The following TRRAP variants were observed in gnomAD, a reference collection of about 807,000 sequenced individuals.
TRRAP encodes the protein transformation/transcription domain associated protein, also known as transformation/transcription domain-associated protein.
In TRRAP, 41 loss-of-function variants were observed where a neutral mutation model predicts 438.8. That is an observed-to-expected ratio of 0.09 (90% CI 0.07 to 0.12). TRRAP has a LOEUF of 0.12. Among genes scored for constraint, TRRAP ranks in the 10% least tolerant of loss-of-function variants. TRRAP has a pLI of 1.00. For synonymous variants in TRRAP, 1,994 were observed against 1,962.9 expected, an observed-to-expected ratio of 1.02 and a Z score of -0.42; for missense variants, 3,122 against 5,055.1, an observed-to-expected ratio of 0.62 and a Z score of 11.60.
Position 99,005,157 on chromosome 7 carries a change from A to G in TRRAP, c.10562A>G (p.Gln3521Arg). The change falls in exon 69 of 73, where the codon CAG becomes CGG. Residue 3521 changes from glutamine (Q) to arginine (R), a missense_variant. Around this residue, in one of 24 missense-constraint regions of TRRAP, gnomAD observed 95 missense variants for 144.1 expected, o/e 0.66. Coordinates refer to ENST00000456197, the MANE Select transcript of TRRAP (RefSeq NM_001375524.1). This position sits in a 1 kb window ranked among gnomAD's most constrained non-coding sequence, Gnocchi z 5.1. ...ARFMPRVEIV[Q>R]KHNTAARRLY... is the part of the protein sequence containing the mutation. ...TTCATGCCCCGGGTAGAGATTGTGCAGAAGCACAACACCGCAGCCCGGCGG... is the reference window on the plus strand; with the variant it reads ...TTCATGCCCCGGGTAGAGATTGTGCGGAAGCACAACACCGCAGCCCGGCGG... 1.9e-6 allele frequency: 3 copies of G among 1,613,910 alleles called. No individual in the cohort carries two copies. The highest frequency in any genetic ancestry group is 2.5e-6 in the Non-Finnish European group (3 of 1,180,026).
At position 98,994,813 on chromosome 7, in the gene TRRAP, C is replaced by T; in HGVS notation, c.10274C>T (p.Pro3425Leu). The T allele has an allele frequency of 6.2e-7, 1 of 1,613,360 alleles. No individual in the cohort carries two copies. Among genetic ancestry groups the T allele is most frequent in the Non-Finnish European group, 8.5e-7 (1 of 1,179,292 alleles). Residue 3425 changes from proline (P) to leucine (L), a missense_variant, in exon 67 of 73, where the codon CCT becomes CTT. This residue lies in a region of TRRAP where 107 missense variants were observed against 327.5 expected (regional missense o/e 0.33). Transcript: ENST00000456197. The surrounding 1 kb of genome is among the most constrained non-coding windows in gnomAD (Gnocchi z 4.8). ...ARRAQATAQDPVFQKLKGQFT... is the reference protein window; with the variant it reads ...ARRAQATAQDLVFQKLKGQFT... The stretch of plus-strand genomic sequence containing the variant: ...CGGGCGCAGGCCACTGCACAAGACC[C>T]TGTCTTTCAGAAGCTGAAAGGCCAG...
intron 53 of TRRAP, among the ~76,000 whole-genome samples, chr7:98,973,568 G>A (rs963241668): frequency 3.9e-5 from 6 of 152,318 alleles, no homozygotes; most frequent in South Asian, 2.1e-4. Flanking sequence ...TCTGGATGGC[G>A]GCTGGGCTAG....
intron 43 of TRRAP, among the ~76,000 whole-genome samples, chr7:98,957,520 C>T (rs1791673051): frequency 6.6e-6 from 1 of 152,160 alleles, no homozygotes; most frequent in East Asian, 1.9e-4. Flanking sequence ...CCTCCAGGGC[C>T]CGGGTGACCA....
In TRRAP at chr7:98,976,326, A is replaced by C. The variant is rs1171333197; in HGVS notation, c.7959+58A>C. Reference sequence around the variant, plus strand: ...ATTGTAGTTTTAGCTTTTGGTAAGTATTCATAAAAGAACACAGTCTCGAAC... The same window carrying C: ...ATTGTAGTTTTAGCTTTTGGTAAGTCTTCATAAAAGAACACAGTCTCGAAC... On this transcript the variant is annotated intron_variant, in intron 54 of 72. Transcript: ENST00000456197. The surrounding 1 kb of genome is among the most constrained non-coding windows in gnomAD (Gnocchi z 4.6). 6.2e-7 allele frequency: 1 copy of C among 1,603,446 alleles called. No homozygotes were observed. The highest frequency in any genetic ancestry group is 8.5e-7 in the Non-Finnish European group (1 of 1,175,046).
At chr7:98,904,247 G>C (rs1796610995) in intron 12 of TRRAP, among the ~76,000 whole-genome samples, 1 of 151,990 alleles carries the variant, frequency 6.6e-6, no homozygotes, top group Non-Finnish European at 1.5e-5. Context: ...ACTTAGGGAG[G>C]CCGAGGCGAG....
At chr7:98,953,481 A>G (rs781962616) in intron 40 of TRRAP, 48 bp downstream of exon 40, 7 of 1,592,536 alleles carry the variant, frequency 4.4e-6, no homozygotes, top group African/African-American at 4.0e-5. Flanking sequence ...TGAATCTCAC[A>G]TGGTGCACTT....
Position 98,910,670 on chromosome 7 carries a change from A to G in TRRAP, c.1812+63A>G, listed in dbSNP as rs568421411. ...AAAGTACCTCTTAGTATTAGAGGTC[A>G]TAGTGGTGGGGTGGCAGTGAGAGCT... On this transcript the variant is annotated intron_variant, in intron 16 of 72. Transcript: ENST00000456197. 1.1e-5 allele frequency: 15 copies of G among 1,381,200 alleles called. No individual in the cohort carries two copies. The African/African-American group carries it at 1.3e-4, about 12-fold the overall frequency. 85.6% of individuals were successfully genotyped at this position (1,381,200 alleles called of 1,614,324 possible).
chr7:98,881,065 A>C (rs549319876), intron 1 of TRRAP, 25 bp from the exon 2 acceptor site: 1 of 1,140,666 alleles, frequency 8.8e-7, no homozygotes, highest in East Asian at 2.6e-5. Flanking sequence ...CCATAAATTG[A>C]CTAACTCTAT....
At chr7:98,946,504 C>A (rs1216784835) in intron 33 of TRRAP, among the ~76,000 whole-genome samples, 2 of 151,348 alleles carry the variant, frequency 1.3e-5, no homozygotes, top group East Asian at 3.9e-4. Flanking sequence ...GCACACACAC[C>A]ACACATGCAC....
chr7:98,967,200 T>G, intron 50 of TRRAP, 38 bp downstream of exon 50: 3 of 1,590,058 alleles, frequency 1.9e-6, no homozygotes, highest in Non-Finnish European at 1.7e-6. Context: ...CATATATTGG[T>G]CCTTAATGTG....
intron 24 of TRRAP, 107 bp from the exon 25 acceptor site, chr7:98,930,526 C>G: frequency 7.0e-7 from 1 of 1,420,858 alleles, no homozygotes; most frequent in Non-Finnish European, 9.7e-7. Context: ...TGCGGTGAGC[C>G]GAGATCACAC....
chr7:98,897,657 T>G, intron 7 of TRRAP, 84 bp from the exon 8 acceptor site: 32 of 1,465,982 alleles, frequency 2.2e-5, no homozygotes, highest in Non-Finnish European at 2.8e-5. Context: ...TCAAGCGTCT[T>G]TTTGTTTTGT....
chr7:98,964,930 G>C (rs1219480517), intron 48 of TRRAP, among the ~76,000 whole-genome samples, 155 bp downstream of exon 48: 1 of 152,142 alleles, frequency 6.6e-6, no homozygotes. Context: ...TCAATGTAGG[G>C]GTTTAAAAAA....
At chr7:98,892,632 C>A in intron 5 of TRRAP, 104 bp downstream of exon 5, 2 of 998,302 alleles carry the variant, frequency 2.0e-6, no homozygotes, top group Non-Finnish European at 2.9e-6. Context: ...ATCTTTCTCC[C>A]AAATTCCAAG....
chr7:99,011,481 G>C lies in TRRAP; in HGVS notation c.11283G>C (p.Pro3761=). ...EFLTTIGVSG[P]LTASMIAVAR... is the part of the protein sequence containing the mutation. ...TGACCACCATCGGGGTCTCCGGCCC[G>C]TTGACAGCGTCCATGATTGCGGTCG... Residue 3761 remains proline, a synonymous_variant, in exon 72 of 73, where the codon CCG becomes CCC. Coordinates refer to ENST00000456197, the MANE Select transcript of TRRAP (RefSeq NM_001375524.1). This position sits in a 1 kb window ranked among gnomAD's most constrained non-coding sequence, Gnocchi z 7.1. The C allele has an allele frequency of 6.2e-7, 1 of 1,614,248 alleles. No homozygotes were observed. The highest frequency in any genetic ancestry group is 8.5e-7 in the Non-Finnish European group (1 of 1,180,044).
intron 18 of TRRAP, among the ~76,000 whole-genome samples, chr7:98,913,457 T>A (rs1389893591): frequency 6.6e-6 from 1 of 152,058 alleles, no homozygotes; most frequent in African/African-American, 2.4e-5. Flanking sequence ...TTTGGCTAAT[T>A]TTTGTATTTT....
At chr7:98,971,677 C>A in intron 52 of TRRAP, 122 bp from the exon 53 acceptor site, 2 of 1,162,330 alleles carry the variant, frequency 1.7e-6, no homozygotes, top group South Asian at 1.5e-5. Flanking sequence ...AATACTTACA[C>A]ACTTCCAGGA....
In TRRAP at chr7:98,976,893, A is replaced by G. The variant is rs756252849; in HGVS notation, c.8248-46A>G. On this transcript the variant is annotated intron_variant, in intron 55 of 72. Coordinates refer to ENST00000456197, the MANE Select transcript of TRRAP (RefSeq NM_001375524.1). The surrounding 1 kb of genome is among the most constrained non-coding windows in gnomAD (Gnocchi z 4.6). The stretch of plus-strand genomic sequence containing the variant: ...GTGAAACTATTTTTAGGGGGGAAAA[A>G]AAGTCTCTGTCTCAAGCACTCAGGA... 8 of 1,607,698 alleles carry G rather than the reference A, an allele frequency of 5.0e-6. No homozygotes were observed. The Admixed American group carries it at 8.4e-5, about 17-fold the overall frequency.
In TRRAP at chr7:98,976,393, G is replaced by A. The variant is rs890502522; in HGVS notation, c.7960-90G>A. ...GGGAACCGCTGGCTGTCACTCGAGC[G>A]AATTAGGAAAGGTATTCTTGCATCG... On this transcript the variant is annotated intron_variant, in intron 54 of 72. Transcript: ENST00000456197. The surrounding 1 kb of genome is among the most constrained non-coding windows in gnomAD (Gnocchi z 4.6). The A allele has an allele frequency of 3.1e-5, 49 of 1,569,204 alleles. 2 individuals carry two copies. The highest frequency in any genetic ancestry group is 4.1e-5 in the African/African-American group (3 of 73,934).
Sources: gnomAD v4.1 joint callset for allele counts (sites outside exome capture counted in the v4.1 genomes callset) on GRCh38, gnomAD v4.1.1 for gene constraint, gnomAD v4.1.1 regional missense constraint, Gnocchi (gnomAD v3.1) non-coding constraint, MANE v1.5 for transcripts, NCBI Gene and HGNC (gene_info 2026-07-23, HGNC 2026-07-21) for gene names.